The following ENTREP1 variants were observed in gnomAD, a reference collection of about 807,000 sequenced individuals.
ENTREP1 encodes endosomal transmembrane epsin interactor 1.
At chr9:69,342,261 A>C in the ENTREP1 span, among the ~76,000 whole-genome samples, 1 of 152,132 alleles carries the variant, frequency 6.6e-6, no homozygotes, top group Non-Finnish European at 1.5e-5. Flanking sequence ...TAGATAAGAG[A>C]ATATTAGTTC....
chr9:69,365,227 G>T, the ENTREP1 span, among the ~76,000 whole-genome samples: 1 of 152,134 alleles, frequency 6.6e-6, no homozygotes, highest in Non-Finnish European at 1.5e-5. Context: ...TCTTCCGTGT[G>T]TTTCCAGTCA....
the ENTREP1 span, chr9:69,380,209 T>G: frequency 2.0e-5 from 3 of 152,184 alleles, no homozygotes; most frequent in Non-Finnish European, 4.4e-5. Flanking sequence ...AATATCAGAG[T>G]GCAGTCCACT....
chr9:69,359,513 T>G, the ENTREP1 span, among the ~76,000 whole-genome samples: 2 of 152,210 alleles, frequency 1.3e-5, no homozygotes, highest in African/African-American at 4.8e-5. Context: ...TATAAGGGGC[T>G]GTTTCCCCTT....
the ENTREP1 span, chr9:69,387,658 C>T: frequency 7.7e-5 from 24 of 311,022 alleles, no homozygotes; most frequent in Non-Finnish European, 9.4e-5. Context: ...GTCAGTACAA[C>T]GTCCTTGAGG....
the ENTREP1 span, among the ~76,000 whole-genome samples, chr9:69,351,186 A>G: frequency 3.3e-5 from 5 of 152,238 alleles, no homozygotes; most frequent in Admixed American, 6.5e-5. Flanking sequence ...ACAGATGTAA[A>G]GTAGCCATTT....
At chr9:69,380,080 G>A in the ENTREP1 span, 1 of 152,236 alleles carries the variant, frequency 6.6e-6, no homozygotes, top group Admixed American at 6.5e-5. Flanking sequence ...GGCCGAAGGA[G>A]GGAGTTAAAG....
At chr9:69,347,053 A>T in the ENTREP1 span, among the ~76,000 whole-genome samples, 679 of 152,358 alleles carry the variant, frequency 4.5e-3, 6 homozygotes, top group African/African-American at 0.016. Flanking sequence ...CTGTGGCCTC[A>T]GAGTTAAAGC....
the ENTREP1 span, among the ~76,000 whole-genome samples, chr9:69,373,525 C>T: frequency 6.6e-6 from 1 of 151,318 alleles, no homozygotes; most frequent in African/African-American, 2.4e-5. Context: ...CTGTTTTTAT[C>T]ACTTAAAGAT....
At chr9:69,387,086 C>T in the ENTREP1 span, 1 of 152,272 alleles carries the variant, frequency 6.6e-6, no homozygotes, top group African/African-American at 2.4e-5. Flanking sequence ...CTGCTGGAGC[C>T]CTCCATTGTG....
At chr9:69,335,144 C>T in the ENTREP1 span, among the ~76,000 whole-genome samples, 1 of 152,152 alleles carries the variant, frequency 6.6e-6, no homozygotes, top group African/African-American at 2.4e-5. Context: ...AGTAGTTCCT[C>T]CCACTTTGTG....
the ENTREP1 span, among the ~76,000 whole-genome samples, chr9:69,357,094 A>C: frequency 1.7e-5 from 1 of 58,206 alleles, no homozygotes; most frequent in Non-Finnish European, 3.4e-5. Context: ...CACCATCTCT[A>C]CAAAAAAAAA....
chr9:69,383,113 T>C, the ENTREP1 span: 1 of 985,260 alleles, frequency 1.0e-6, no homozygotes, highest in Admixed American at 6.1e-5. Flanking sequence ...AAGAGTCATG[T>C]AGAATGTAAG....
the ENTREP1 span, among the ~76,000 whole-genome samples, chr9:69,385,511 AAC>A: frequency 1.1e-4 from 6 of 53,136 alleles, no homozygotes; most frequent in Non-Finnish European, 1.7e-4. Flanking sequence ...AGGAAAAAAA[AAC>A]CCCTGCCATT....
At chr9:69,367,718 CAT>C in the ENTREP1 span, among the ~76,000 whole-genome samples, 13 of 67,080 alleles carry the variant, frequency 1.9e-4, no homozygotes, top group East Asian at 8.8e-4. Flanking sequence ...TATATATACA[CAT>C]ATATATAAAA....
the ENTREP1 span, chr9:69,375,642 A>G: frequency 7.1e-6 from 7 of 983,600 alleles, no homozygotes; most frequent in Non-Finnish European, 1.1e-5. Context: ...GAACCCTGCC[A>G]TCATCTCATT....
the ENTREP1 span, chr9:69,325,218 G>T: frequency 9.6e-7 from 1 of 1,043,898 alleles, no homozygotes; most frequent in Non-Finnish European, 1.2e-6. Context: ...CGTCTGCAGT[G>T]CCCAGTGTGC....
the ENTREP1 span, among the ~76,000 whole-genome samples, chr9:69,348,175 C>T: frequency 6.6e-5 from 10 of 152,228 alleles, no homozygotes; most frequent in East Asian, 1.9e-4. Context: ...AGTGCAGTGG[C>T]GCGGACACAG....
At chr9:69,354,254 A>ATTTTTTTTTTTT in the ENTREP1 span, among the ~76,000 whole-genome samples, 4 of 105,632 alleles carry the variant, frequency 3.8e-5, no homozygotes, top group Non-Finnish European at 7.1e-5. Context: ...CTATTGCAAC[A>ATTTTTTTTTTTT]TTTTTTTTTT....
At chr9:69,386,564 T>C in the ENTREP1 span, 2 of 152,148 alleles carry the variant, frequency 1.3e-5, no homozygotes, top group African/African-American at 4.8e-5. Flanking sequence ...TGTAGAAAAT[T>C]ATAAAAAATA....
Sources: gnomAD v4.1 joint callset for allele counts (sites outside exome capture counted in the v4.1 genomes callset) on GRCh38, gnomAD v4.1.1 for gene constraint, MANE v1.5 for transcripts, NCBI Gene and HGNC (gene_info 2026-07-23, HGNC 2026-07-21) for gene names.